The following SLC17A1 variants were observed in gnomAD, a reference collection of about 807,000 sequenced individuals.
SLC17A1 encodes the protein sodium-dependent phosphate transport protein 1.
In SLC17A1, 51 loss-of-function variants were observed where a neutral mutation model predicts 53.5. That is an observed-to-expected ratio of 0.95 (90% CI 0.76 to 1.20). The LOEUF is 1.20. SLC17A1 is among the 50% of genes most tolerant of loss of function. The pLI, the probability that SLC17A1 is intolerant of heterozygous loss-of-function variation, is 0.00. For synonymous variants in SLC17A1, 179 were observed against 198.8 expected (o/e 0.90, Z 0.84); for missense variants, 538 against 568.2 (o/e 0.95, Z 0.54).
chr6:25,761,970 C>A, the SLC17A1 span: 1 of 1,613,034 alleles, frequency 6.2e-7, no homozygotes, highest in South Asian at 1.1e-5. Context: ...AAAATGTCTA[C>A]CGGACCAGAT....
intron 6 of SLC17A1, among the ~76,000 whole-genome samples, chr6:25,815,911 CTTT>C (rs59495721): frequency 0.29 from 38,624 of 134,440 alleles, 5,439 homozygotes; most frequent in African/African-American, 0.4. Context: ...AAAATGCTTA[CTTT>C]TTTTTTTTTT....
At chr6:25,813,983 A>T (rs1172479360) in intron 6 of SLC17A1, among the ~76,000 whole-genome samples, 1 of 152,186 alleles carries the variant, frequency 6.6e-6, no homozygotes, top group Non-Finnish European at 1.5e-5. Context: ...CCAGTCTATC[A>T]TTGATGGGCA....
At position 25,831,400 on chromosome 6, in the gene SLC17A1, A is replaced by G. The variant is rs1764943450; in HGVS notation, c.-51+594T>C. Among the ~76,000 whole-genome samples the G allele has an allele frequency of 3.9e-5, 6 of 152,188 alleles. No individual in the cohort carries two copies. The South Asian group carries it at 1.2e-3, about 32-fold the overall frequency. ...ATATTTTTGAATAAGCAATTTGTCA[A>G]CCATCATTATCACACATTGGAACCT... is the stretch of plus-strand genomic sequence containing the variant. On this transcript the variant is annotated intron_variant, in intron 1 of 12. Transcript: ENST00000244527.
chr6:25,752,597 T>A, the SLC17A1 span, among the ~76,000 whole-genome samples: 1 of 152,260 alleles, frequency 6.6e-6, no homozygotes, highest in Non-Finnish European at 1.5e-5. Flanking sequence ...TAAATGTTTT[T>A]AAACTTTTTG....
At chr6:25,775,382 T>A in the SLC17A1 span, among the ~76,000 whole-genome samples, 2 of 151,854 alleles carry the variant, frequency 1.3e-5, no homozygotes, top group African/African-American at 4.8e-5. Context: ...CTGTTCCTAA[T>A]CTGCCCTGTC....
At chr6:25,807,816 G>T (rs1287803747) in intron 10 of SLC17A1, among the ~76,000 whole-genome samples, 1 of 152,078 alleles carries the variant, frequency 6.6e-6, no homozygotes, top group East Asian at 1.9e-4. Context: ...TTATGGCTGA[G>T]TAGTATTCCA....
intron 11 of SLC17A1, 112 bp from the exon 12 acceptor site, chr6:25,799,031 A>T (rs1763673365): frequency 1.0e-6 from 1 of 1,002,920 alleles, no homozygotes; most frequent in Non-Finnish European, 1.4e-6. Flanking sequence ...ACAAATATGG[A>T]AAAACATACT....
chr6:25,744,464 A>T, the SLC17A1 span, among the ~76,000 whole-genome samples: 9 of 152,186 alleles, frequency 5.9e-5, no homozygotes, highest in Non-Finnish European at 1.0e-4. Flanking sequence ...AATCTTACTC[A>T]CAAGGACCAA....
chr6:25,807,476 C>G (rs1285313174), intron 10 of SLC17A1, among the ~76,000 whole-genome samples: 1 of 151,780 alleles, frequency 6.6e-6, no homozygotes, highest in Admixed American at 6.6e-5. Flanking sequence ...ATTATTATTT[C>G]AATAATTTTG....
the SLC17A1 span, chr6:25,726,888 C>T: frequency 4.2e-4 from 668 of 1,601,802 alleles, no homozygotes; most frequent in Non-Finnish European, 5.2e-4. Flanking sequence ...CCGTGTAACG[C>T]TGCAGAAGTG....
At chr6:25,770,373 T>A in the SLC17A1 span, 1 of 1,614,070 alleles carries the variant, frequency 6.2e-7, no homozygotes. Context: ...GAATGGAATT[T>A]TTCCCCCCAG....
chr6:25,731,030 A>G, the SLC17A1 span, among the ~76,000 whole-genome samples: 30 of 152,258 alleles, frequency 2.0e-4, no homozygotes, highest in African/African-American at 7.0e-4. Flanking sequence ...ACTCATGGAT[A>G]TAGAGAATGC....
chr6:25,738,827 A>G, the SLC17A1 span, among the ~76,000 whole-genome samples: 1 of 152,212 alleles, frequency 6.6e-6, no homozygotes, highest in South Asian at 2.1e-4. Flanking sequence ...AATTAAGACT[A>G]GGATGAGGTA....
At chr6:25,796,114 G>A (rs547538501) in intron 12 of SLC17A1, among the ~76,000 whole-genome samples, 1 of 152,104 alleles carries the variant, frequency 6.6e-6, no homozygotes, top group African/African-American at 2.4e-5. Flanking sequence ...ATAAACCTTC[G>A]CTAATGTCTA....
At chr6:25,791,117 TATC>T (rs567753290) in intron 12 of SLC17A1, among the ~76,000 whole-genome samples, 300 of 152,288 alleles carry the variant, frequency 2.0e-3, no homozygotes, top group Non-Finnish European at 3.3e-3. Flanking sequence ...ATGGAAGTCT[TATC>T]ATGTTCTTAT....
chr6:25,726,865 C>A, the SLC17A1 span: 1 of 1,570,942 alleles, frequency 6.4e-7, no homozygotes, highest in Non-Finnish European at 8.6e-7. Context: ...TGCTGTGTAA[C>A]CCTGGAAAAG....
At chr6:25,727,963 G>A in the SLC17A1 span, among the ~76,000 whole-genome samples, 1 of 151,760 alleles carries the variant, frequency 6.6e-6, no homozygotes, top group African/African-American at 2.4e-5. Context: ...ATTGCAGTGA[G>A]CCGAGATCGT....
the SLC17A1 span, chr6:25,773,218 T>G: frequency 7.4e-7 from 1 of 1,346,006 alleles, no homozygotes; most frequent in Non-Finnish European, 1.1e-6. Flanking sequence ...CATCTTAGAG[T>G]CAAACTGAAA....
chr6:25,727,392 C>G, the SLC17A1 span: 27 of 1,058,598 alleles, frequency 2.6e-5, no homozygotes, highest in South Asian at 5.1e-4. Flanking sequence ...AGTTTCTAAC[C>G]GTAAGGGTTT....
Sources: allele counts gnomAD v4.1 joint callset (sites outside exome capture counted in the v4.1 genomes callset), GRCh38; gene constraint gnomAD v4.1.1; transcripts MANE v1.5; gene names NCBI Gene and HGNC (gene_info 2026-07-23, HGNC 2026-07-21).